ART5: variants seen among roughly 807,000 people sequenced by gnomAD.
ART5 encodes the protein ecto-ADP-ribosyltransferase 5.
ART5 carries 22 observed loss-of-function variants against 25.0 expected under a neutral mutation model. The ratio of observed to expected loss-of-function variants is 0.88; its 90% CI spans 0.63 to 1.26. The LOEUF (loss-of-function observed/expected upper bound fraction) is 1.26. ART5 is among the 50% of genes most tolerant of loss of function. The probability of loss-of-function intolerance (pLI) is 0.00; values close to 1 mark genes in which losing one functional copy is unlikely to be tolerated. For missense variants in ART5, 402 were observed against 372.8 expected (o/e 1.08, Z -0.64); for synonymous variants, 161 against 154.8 (o/e 1.04, Z -0.30).
At chr11:3,642,222 C>G, upstream of ART5, 5 of 1,150,772 alleles carry the variant, frequency 4.3e-6, no homozygotes, top group South Asian at 5.4e-5. Context: ...GCCGAGGGCT[C>G]TGGCGGGCGC....
chr11:3,639,382 C>T (rs2077358848), intron 2 of ART5, among the ~76,000 whole-genome samples: 1 of 152,196 alleles, frequency 6.6e-6, no homozygotes, highest in South Asian at 2.1e-4. Context: ...TAACCAGGTT[C>T]TTTTGGTCTA....
chr11:3,638,705 C>T lies in ART5; in HGVS notation c.*33G>A. On this transcript the variant is annotated 3_prime_UTR_variant, in exon 4 of 4. Coordinates refer to ENST00000397068, the MANE Select transcript of ART5 (RefSeq NM_053017.5). Reference sequence around the variant, plus strand: ...AACATCCTGGTTGGGGAGAAGGCTGCTAGGGCTGGGTCCGGAACCATGTTC... The same window carrying T: ...AACATCCTGGTTGGGGAGAAGGCTGTTAGGGCTGGGTCCGGAACCATGTTC... 6.2e-7 allele frequency: 1 copy of T among 1,613,984 alleles called. No individual in the cohort carries two copies. Among genetic ancestry groups the T allele is most frequent in the South Asian group, 1.1e-5 (1 of 91,082 alleles).
chr11:3,641,700 G>A (rs1028709355), intron 1 of ART5, 106 bp downstream of exon 1: 2 of 1,518,202 alleles, frequency 1.3e-6, no homozygotes, highest in African/African-American at 1.4e-5. Context: ...GAATCCTAGG[G>A]AAGAGTCCCT....
At chr11:3,642,038 C>T (rs1036120023), upstream of ART5, 8 of 1,420,718 alleles carry the variant, frequency 5.6e-6, no homozygotes, top group African/African-American at 2.9e-5. Context: ...TTATTGCCCG[C>T]CCCCCGCCCC....
chr11:3,639,931 G>T lies in ART5; in HGVS notation c.498C>A (p.Arg166=), dbSNP rs751867051. The T allele has an allele frequency of 3.7e-6, 6 of 1,614,186 alleles. No individual in the cohort carries two copies. In the South Asian group the frequency reaches 6.6e-5, roughly 18 times the overall value. ...EVVFRGVGSL[R]FEPKRLGDSV... is the part of the protein sequence containing the mutation. ...AGTCTCCCAGCCTCTTGGGTTCAAAGCGAAGGCTGCCCACACCTCGGAACA... is the reference window on the plus strand; with the variant it reads ...AGTCTCCCAGCCTCTTGGGTTCAAATCGAAGGCTGCCCACACCTCGGAACA... Residue 166 remains arginine (R), a synonymous_variant, in exon 2 of 4, where the codon CGC becomes CGA. Coordinates refer to ENST00000397068, the MANE Select transcript of ART5 (RefSeq NM_053017.5).
At chr11:3,642,122 G>A (rs1045939245), upstream of ART5, 104 of 1,342,162 alleles carry the variant, frequency 7.7e-5, 2 homozygotes, top group South Asian at 1.2e-3. Flanking sequence ...GACTGTAAAG[G>A]CGGGGCCGCA....
chr11:3,639,973 C>T lies in ART5; in HGVS notation c.456G>A (p.Arg152=), dbSNP rs2077368557. The change falls in exon 2 of 4, where the codon AGG becomes AGA. Residue 152 remains arginine, a synonymous_variant. Transcript: ENST00000397068. ...QLLRGSGGCS[R]GPGEVVFRGV... Reference sequence around the variant, plus strand: ...CTCGGAACACCACCTCCCCAGGTCCCCTGCTGCAGCCCCCACTGCCTCGCA... The same window carrying T: ...CTCGGAACACCACCTCCCCAGGTCCTCTGCTGCAGCCCCCACTGCCTCGCA... 6.2e-7 allele frequency: 1 copy of T among 1,614,182 alleles called. No individual in the cohort carries two copies. The highest frequency in any genetic ancestry group is 1.3e-5 in the African/African-American group (1 of 75,068).
Position 3,639,833 on chromosome 11 carries a change from A to T in ART5, c.596T>A (p.Leu199His). Reference protein sequence around the residue: ...AVAHRFGNATLFSLTTCFGAP... With the variant: ...AVAHRFGNATHFSLTTCFGAP... ...CCCAAAGCAAGTTGTTAGAGAGAAG[A>T]GGGTGGCATTACCAAATCTGTGGGC... Residue 199 changes from leucine (L) to histidine (H), a missense_variant, in exon 2 of 4, where the codon CTC becomes CAC. By Grantham distance (99) the Leu-to-His change is moderately conservative. Coordinates refer to ENST00000397068, the MANE Select transcript of ART5 (RefSeq NM_053017.5). The T allele has an allele frequency of 1.2e-6, 2 of 1,614,206 alleles. No homozygotes were observed. The highest frequency in any genetic ancestry group is 2.2e-5 in the South Asian group (2 of 91,078).
At position 3,638,781 on chromosome 11, in the gene ART5, G is replaced by C. The variant is rs750669805; in HGVS notation, c.833C>G (p.Thr278Arg). The C allele has an allele frequency of 6.2e-7, 1 of 1,614,006 alleles. No homozygotes were observed. Among genetic ancestry groups the C allele is most frequent in the African/African-American group, 1.3e-5 (1 of 74,892 alleles). ...CCTCTTCGTCATATGAAGGTCACCC[G>C]TTCCCAGGGCTCCTAAGTGGCAGAT... ...GCVSAPGALG[T>R]GDLHMTKRHL... is the part of the protein sequence containing the mutation. The change falls in exon 4 of 4, where the codon ACG becomes AGG. Residue 278 changes from threonine to arginine, a missense_variant. Physicochemically the swap from Thr to Arg is moderately conservative, Grantham distance 71. Coordinates refer to ENST00000397068, the MANE Select transcript of ART5 (RefSeq NM_053017.5).
upstream of ART5, chr11:3,642,016 G>C (rs1343368499): frequency 6.9e-7 from 1 of 1,441,854 alleles, no homozygotes; most frequent in Middle Eastern, 2.6e-4. Context: ...GGCGTGGGCG[G>C]GGCCTGGGAG....
In ART5 at chr11:3,638,649, T is replaced by C; in HGVS notation, c.*89A>G. 2.0e-6 allele frequency: 3 copies of C among 1,519,722 alleles called. No individual in the cohort carries two copies. The highest frequency in any genetic ancestry group is 2.7e-6 in the Non-Finnish European group (3 of 1,096,646). The allele number at this position is 1,519,722 out of a possible 1,614,324, so 94.1% of individuals were successfully genotyped here. A position where few individuals can be genotyped will look rare whatever the true frequency, so the allele number is the denominator to read the frequency against. ...GGAAGTCCCCATCACATAGCAGAGT[T>C]CCCTCAGCCCTGCTGTGGCCTCCCC... is the stretch of plus-strand genomic sequence containing the variant. On this transcript the variant is annotated 3_prime_UTR_variant, in exon 4 of 4. Transcript: ENST00000397068.
rs1405734726 is a variant in ART5, at chr11:3,638,774, G to T, written c.840C>A (p.Asp280Glu). 6.2e-7 allele frequency: 1 copy of T among 1,614,134 alleles called. No individual in the cohort carries two copies. The highest frequency in any genetic ancestry group is 8.5e-7 in the Non-Finnish European group (1 of 1,180,008). ...GGAGGTGCCTCTTCGTCATATGAAG[G>T]TCACCCGTTCCCAGGGCTCCTAAGT... ...VSAPGALGTG[D>E]LHMTKRHLQQ... The change falls in exon 4 of 4, where the codon GAC (aspartate) becomes GAA (glutamate). Residue 280 changes from aspartate (D) to glutamate (E), a missense_variant. Coordinates refer to ENST00000397068, the MANE Select transcript of ART5 (RefSeq NM_053017.5).
rs2077378760 is a variant in ART5, at chr11:3,640,378, A to T, written c.58-7T>A. On this transcript the variant is annotated splice_polypyrimidine_tract_variant and splice_region_variant and intron_variant, in intron 1 of 3. Coordinates refer to ENST00000397068, the MANE Select transcript of ART5 (RefSeq NM_053017.5). ...GGATGGGAACAGCCTGGGCCTGTGGAGCAAAAGAGGTGCCACACCGAAAAG... is the reference window on the plus strand; with the variant it reads ...GGATGGGAACAGCCTGGGCCTGTGGTGCAAAAGAGGTGCCACACCGAAAAG... 1 of 1,580,714 alleles carries T rather than the reference A, an allele frequency of 6.3e-7. No individual in the cohort carries two copies. The highest frequency in any genetic ancestry group is 1.4e-5 in the African/African-American group (1 of 74,032).
chr11:3,639,556 C>A, intron 2 of ART5, 86 bp downstream of exon 2: 1 of 1,505,366 alleles, frequency 6.6e-7, no homozygotes, highest in East Asian at 2.3e-5. Flanking sequence ...AGTGGGTCTC[C>A]CGAAGGCCCC....
chr11:3,638,906 C>T lies in ART5; in HGVS notation c.820+97G>A, dbSNP rs767365516. 7.5e-6 allele frequency: 12 copies of T among 1,603,132 alleles called. No individual in the cohort carries two copies. The African/African-American group carries it at 1.1e-4, about 14-fold the overall frequency. On this transcript the variant is annotated intron_variant, in intron 3 of 3. Transcript: ENST00000397068. ...GAGAGGAGGCCCCCTCAGATTGTGA[C>T]CCTAGCTGCACCCCTGCTGAAGGGA...
intron 2 of ART5, among the ~76,000 whole-genome samples, chr11:3,639,299 C>T (rs962470974): frequency 6.6e-6 from 1 of 152,154 alleles, no homozygotes; most frequent in African/African-American, 2.4e-5. Flanking sequence ...GCCCTGTCAG[C>T]CCCATCGAGC....
At chr11:3,640,520 G>T in intron 1 of ART5, 149 bp from the exon 2 acceptor site, 1 of 978,566 alleles carries the variant, frequency 1.0e-6, no homozygotes, top group Non-Finnish European at 1.4e-6. Flanking sequence ...CCCAATAAGA[G>T]GCTTAAATAA....
At chr11:3,642,189 GGAAGCCGCC>G (rs2077413798), upstream of ART5, 2 of 1,192,672 alleles carry the variant, frequency 1.7e-6, no homozygotes, top group African/African-American at 3.1e-5. Flanking sequence ...TGAAGGCTGC[GGAAGCCGCC>G]AGCGGGAGGG....
chr11:3,638,887 A>C, intron 3 of ART5, 94 bp from the exon 4 acceptor site: 1 of 1,610,710 alleles, frequency 6.2e-7, no homozygotes. Flanking sequence ...GGCAGAGAGG[A>C]GGCCCCCTCA....
Sources: allele counts gnomAD v4.1 joint callset (sites outside exome capture counted in the v4.1 genomes callset), GRCh38; gene constraint gnomAD v4.1.1; transcripts MANE v1.5; gene names NCBI Gene and HGNC (gene_info 2026-07-23, HGNC 2026-07-21).